The following SH3RF2 variants were observed in gnomAD, a reference collection of about 807,000 sequenced individuals.
SH3RF2 encodes the protein SH3 domain containing ring finger 2.
Under a neutral mutation model 59.0 loss-of-function variants are expected in SH3RF2, and 43 were observed. The observed-to-expected ratio is 0.73, with a 90% CI of 0.57 to 0.94. The LOEUF is 0.94. Among genes scored for constraint, SH3RF2 ranks in the 40% least tolerant of loss-of-function variants. SH3RF2 has a pLI of 0.00. For synonymous variants in SH3RF2, 391 were observed against 391.5 expected, an observed-to-expected ratio of 1.00 and a Z score of 0.01; for missense variants, 930 against 940.1, an observed-to-expected ratio of 0.99 and a Z score of 0.14.
intron 5 of SH3RF2, among the ~76,000 whole-genome samples, chr5:146,019,655 C>G (rs6877694): frequency 0.34 from 50,900 of 151,890 alleles, 9,000 homozygotes; most frequent in Non-Finnish European, 0.39. Context: ...TTAGTATTTT[C>G]ATAGAAATTG....
chr5:145,962,047 T>C (rs1296131780), intron 2 of SH3RF2, among the ~76,000 whole-genome samples: 1 of 152,214 alleles, frequency 6.6e-6, no homozygotes, highest in East Asian at 1.9e-4. Context: ...CTTTAAGCTC[T>C]TAATCTTAGA....
intron 2 of SH3RF2, among the ~76,000 whole-genome samples, chr5:145,961,833 C>T (rs1166903424): frequency 2.0e-5 from 3 of 152,164 alleles, no homozygotes; most frequent in Non-Finnish European, 4.4e-5. Context: ...AATTCCTCTT[C>T]CAACTGGCTT....
chr5:146,072,623 A>C (rs1472261997), intron 9 of SH3RF2, among the ~76,000 whole-genome samples: 1 of 152,166 alleles, frequency 6.6e-6, no homozygotes, highest in African/African-American at 2.4e-5. Flanking sequence ...GTGAGCCAAC[A>C]TTGCACCATT....
intron 9 of SH3RF2, among the ~76,000 whole-genome samples, chr5:146,074,722 ATACT>A: frequency 6.6e-6 from 1 of 152,298 alleles, no homozygotes. Flanking sequence ...CATTCAGAAA[ATACT>A]TATTACTAGT....
At chr5:145,987,286 A>G (rs1446125883) in intron 2 of SH3RF2, among the ~76,000 whole-genome samples, 1 of 152,090 alleles carries the variant, frequency 6.6e-6, no homozygotes, top group East Asian at 1.9e-4. Context: ...ATTTGGGTGC[A>G]CCCATCACCT....
At chr5:146,074,316 A>T (rs543636810) in intron 9 of SH3RF2, among the ~76,000 whole-genome samples, 1 of 152,356 alleles carries the variant, frequency 6.6e-6, no homozygotes, top group East Asian at 1.9e-4. Flanking sequence ...ATTGGAGAAT[A>T]AATGAATCCC....
chr5:146,004,835 TC>T (rs1760574681), intron 4 of SH3RF2, among the ~76,000 whole-genome samples: 1 of 152,156 alleles, frequency 6.6e-6, no homozygotes, highest in East Asian at 1.9e-4. Context: ...ATAAAAGAGT[TC>T]TAAAGATCTG....
intron 1 of SH3RF2, 77 bp from the exon 2 acceptor site, chr5:145,937,746 C>A: frequency 3.0e-6 from 2 of 677,244 alleles, no homozygotes; most frequent in Non-Finnish European, 5.0e-6. Context: ...CCTTATGAGA[C>A]ACTGCCTCAA....
At chr5:146,036,644 G>A (rs1481107064) in intron 5 of SH3RF2, among the ~76,000 whole-genome samples, 3 of 152,254 alleles carry the variant, frequency 2.0e-5, no homozygotes, top group African/African-American at 7.2e-5. Flanking sequence ...GCAGTGAGCC[G>A]AGATCACGTC....
intron 2 of SH3RF2, among the ~76,000 whole-genome samples, chr5:145,962,958 C>T (rs974199639): frequency 2.2e-5 from 3 of 138,012 alleles, no homozygotes; most frequent in African/African-American, 5.7e-5. Flanking sequence ...AGTGCAGTGG[C>T]GCAATCTTGG....
intron 5 of SH3RF2, among the ~76,000 whole-genome samples, chr5:146,029,129 C>T (rs1030202172): frequency 3.3e-5 from 5 of 152,324 alleles, no homozygotes; most frequent in Non-Finnish European, 7.3e-5. Context: ...TTGTGACAGA[C>T]CCAGTGCCAC....
In SH3RF2 at chr5:146,062,868, G is replaced by GCAGGAAT; in HGVS notation, c.*167_*168insCAGGAAT. On this transcript the variant is annotated 3_prime_UTR_variant, in exon 10 of 10. Transcript: ENST00000359120. ...GTGGGAGCAGAAATTCCTGCCCTGGGTGGGAGGATAGATGGCGTGGCCTTC... is the reference window on the plus strand; with the variant it reads ...GTGGGAGCAGAAATTCCTGCCCTGGGCAGGAATTGGGAGGATAGATGGCGTGGCCTTC... 1.1e-6 allele frequency: 1 copy of GCAGGAAT among 877,882 alleles called. No individual in the cohort carries two copies. Among genetic ancestry groups the GCAGGAAT allele is most frequent in the Non-Finnish European group, 1.7e-6 (1 of 591,482 alleles). 54.4% of individuals were successfully genotyped at this position (877,882 alleles called of 1,614,324 possible).
In SH3RF2 at chr5:146,056,156, G is replaced by T; in HGVS notation, c.1498G>T (p.Gly500Cys). ...AGTCAACCCCGTGAGAAGCACAGCC[G>T]GCCCTGGGACTTTAGGACAAGGGTC... is the stretch of plus-strand genomic sequence containing the variant. ...AIVNPVRSTA[G>C]PGTLGQGSLR... The change falls in exon 8 of 10, where the codon GGC becomes TGC. Residue 500 changes from glycine (G) to cysteine (C), a missense_variant. Gly to Cys is a radical substitution (Grantham distance 159). Transcript: ENST00000359120. 6.2e-7 allele frequency: 1 copy of T among 1,614,166 alleles called. No individual in the cohort carries two copies. Among genetic ancestry groups the T allele is most frequent in the Non-Finnish European group, 8.5e-7 (1 of 1,180,042 alleles).
chr5:145,983,423 G>A (rs1580811181), intron 2 of SH3RF2, among the ~76,000 whole-genome samples: 1 of 152,120 alleles, frequency 6.6e-6, no homozygotes, highest in African/African-American at 2.4e-5. Context: ...ATTTTCAAAA[G>A]AGTGACCATA....
chr5:146,023,140 T>C (rs1466223318), intron 5 of SH3RF2, among the ~76,000 whole-genome samples: 2 of 152,192 alleles, frequency 1.3e-5, no homozygotes, highest in Non-Finnish European at 2.9e-5. Context: ...TTCCAAATTC[T>C]GGATATTACT....
chr5:145,953,113 CT>C (rs1463454607), intron 2 of SH3RF2, among the ~76,000 whole-genome samples: 15 of 146,676 alleles, frequency 1.0e-4, no homozygotes, highest in African/African-American at 3.7e-4. Flanking sequence ...GTCTCTCTCT[CT>C]CTCTCTCTGT....
chr5:145,997,597 G>C (rs1404460743), intron 2 of SH3RF2: 1 of 1,604,244 alleles, frequency 6.2e-7, no homozygotes, highest in Admixed American at 1.7e-5. Context: ...GCGAGAAAAG[G>C]TTTTAAGTTT....
At position 146,060,980 on chromosome 5, in the gene SH3RF2, C is replaced by T. The variant is rs140352596; in HGVS notation, c.1914+756C>T. On this transcript the variant is annotated intron_variant, in intron 9 of 9. Coordinates refer to ENST00000359120, the MANE Select transcript of SH3RF2 (RefSeq NM_152550.4). Reference sequence around the variant, plus strand: ...GCTTATTGCTGTCTTAATTTATGAACATCACCATCATCACATCATCGCCAT... The same window carrying T: ...GCTTATTGCTGTCTTAATTTATGAATATCACCATCATCACATCATCGCCAT... 3.3e-3 allele frequency among the ~76,000 whole-genome samples: 499 copies of T among 152,310 alleles called. 4 individuals are homozygous for T. Among genetic ancestry groups the T allele is most frequent in the African/African-American group, 0.012 (480 of 41,560 alleles).
At chr5:146,011,970 G>T (rs1760921221) in intron 4 of SH3RF2, among the ~76,000 whole-genome samples, 1 of 152,122 alleles carries the variant, frequency 6.6e-6, no homozygotes, top group South Asian at 2.1e-4. Flanking sequence ...GTTTTTAAAG[G>T]CAATGCTTCC....
Sources: gnomAD v4.1 joint callset for allele counts (sites outside exome capture counted in the v4.1 genomes callset) on GRCh38, gnomAD v4.1.1 for gene constraint, MANE v1.5 for transcripts, NCBI Gene and HGNC (gene_info 2026-07-23, HGNC 2026-07-21) for gene names.